The following ITGAV variants were observed in gnomAD, a reference collection of about 807,000 sequenced individuals.
ITGAV encodes integrin subunit alpha V.
ITGAV carries 76 observed loss-of-function variants against 143.8 expected under a neutral mutation model. The ratio of observed to expected loss-of-function variants is 0.53; its 90% confidence interval spans 0.44 to 0.64. The LOEUF is 0.64. ITGAV is among the 30% of genes least tolerant of loss of function. The pLI, the probability that ITGAV is intolerant of heterozygous loss-of-function variation, is 0.00. For missense variants in ITGAV, 1,193 were observed against 1,274.7 expected (o/e 0.94, Z 0.98); for synonymous variants, 453 against 446.7 (o/e 1.01, Z -0.18).
intron 4 of ITGAV, 115 bp from the exon 5 acceptor site, chr2:186,630,682 C>T: frequency 1.6e-6 from 1 of 619,794 alleles, no homozygotes; most frequent in East Asian, 2.6e-5. Flanking sequence ...AGTGAATGAC[C>T]ACTCTCAAAA....
intron 26 of ITGAV, among the ~76,000 whole-genome samples, chr2:186,673,249 G>A (rs781705063): frequency 6.6e-6 from 1 of 152,170 alleles, no homozygotes; most frequent in Non-Finnish European, 1.5e-5. Flanking sequence ...TTTATTTCTA[G>A]ACATTCAGTT....
At chr2:186,639,239 T>C (rs1442884428) in intron 10 of ITGAV, among the ~76,000 whole-genome samples, 1 of 152,206 alleles carries the variant, frequency 6.6e-6, no homozygotes, top group African/African-American at 2.4e-5. Flanking sequence ...TTGGTAATGA[T>C]GAATAAACAT....
At chr2:186,639,482 C>T (rs189734729) in intron 10 of ITGAV, among the ~76,000 whole-genome samples, 61 of 152,202 alleles carry the variant, frequency 4.0e-4, no homozygotes, top group African/African-American at 1.3e-3. Context: ...CCCTTTGTTC[C>T]GTTTTGACTT....
chr2:186,602,079 G>C lies in ITGAV; in HGVS notation c.244G>C (p.Glu82Gln), dbSNP rs761263566. Residue 82 changes from glutamate to glutamine, a missense_variant, in exon 2 of 30, where the codon GAA becomes CAA. Coordinates refer to ENST00000261023, the MANE Select transcript of ITGAV (RefSeq NM_002210.5). ...AAACACCACCCAGCCTGGGATTGTGGAAGGAGGGCAGGTCCTCAAATGTGA... is the reference window on the plus strand; with the variant it reads ...AAACACCACCCAGCCTGGGATTGTGCAAGGAGGGCAGGTCCTCAAATGTGA... The part of the protein sequence containing the change: ...KANTTQPGIV[E>Q]GGQVLKCDWS... 6.2e-7 allele frequency: 1 copy of C among 1,613,478 alleles called. No homozygotes were observed. The highest frequency in any genetic ancestry group is 1.7e-5 in the Admixed American group (1 of 59,974).
rs555793410 is a variant in ITGAV at position 186,596,776 on chromosome 2, C to A, written c.186-5245C>A. Reference sequence around the variant, plus strand: ...TACCCAGTTTTCTATGCAAGTATTTCTTTTTCACTACACAGCTTCCTCGTA... The same window carrying A: ...TACCCAGTTTTCTATGCAAGTATTTATTTTTCACTACACAGCTTCCTCGTA... On this transcript the variant is annotated intron_variant, in intron 1 of 29. Transcript: ENST00000261023. Among the ~76,000 whole-genome samples, 15 of 152,212 alleles carry A rather than the reference C, an allele frequency of 9.9e-5. No individual in the cohort carries two copies. The South Asian group carries it at 3.1e-3, about 32-fold the overall frequency.
intron 26 of ITGAV, among the ~76,000 whole-genome samples, chr2:186,674,444 ATAT>A (rs1689150724): frequency 6.6e-6 from 1 of 151,618 alleles, no homozygotes; most frequent in Non-Finnish European, 1.5e-5. Context: ...AGTGTTTTCT[ATAT>A]GTAAGATCCT....
At chr2:186,618,820 A>G (rs1464915527) in intron 2 of ITGAV, among the ~76,000 whole-genome samples, 1 of 152,220 alleles carries the variant, frequency 6.6e-6, no homozygotes, top group African/African-American at 2.4e-5. Flanking sequence ...GTAAATTAAT[A>G]CAGCTACTAT....
At chr2:186,599,569 A>G (rs1157268119) in intron 1 of ITGAV, among the ~76,000 whole-genome samples, 1 of 152,158 alleles carries the variant, frequency 6.6e-6, no homozygotes, top group Non-Finnish European at 1.5e-5. Flanking sequence ...ATCACAGCTC[A>G]CTGCAGCCTC....
intron 12 of ITGAV, among the ~76,000 whole-genome samples, chr2:186,642,809 T>C (rs1688146989): frequency 6.6e-6 from 1 of 152,100 alleles, no homozygotes; most frequent in Non-Finnish European, 1.5e-5. Context: ...GAATTACAGA[T>C]GTGAGCCACT....
intron 18 of ITGAV, 78 bp downstream of exon 18, chr2:186,659,253 A>T: frequency 1.0e-6 from 1 of 983,862 alleles, no homozygotes; most frequent in East Asian, 3.2e-5. Context: ...ATTAGAGGAG[A>T]TTTCCTTTAT....
intron 2 of ITGAV, among the ~76,000 whole-genome samples, chr2:186,609,813 G>T (rs1687166086): frequency 6.6e-6 from 1 of 151,702 alleles, no homozygotes; most frequent in South Asian, 2.1e-4. Context: ...TATGTATGTG[G>T]GCATAAGGGT....
intron 13 of ITGAV, among the ~76,000 whole-genome samples, chr2:186,647,290 C>T (rs2105720077): frequency 6.7e-6 from 1 of 148,556 alleles, no homozygotes; most frequent in Middle Eastern, 3.5e-3. Context: ...GGCTGGAGTA[C>T]AGTGGCACAA....
Position 186,633,729 on chromosome 2 carries a change from G to A in ITGAV, c.631+355G>A, listed in dbSNP as rs149229802. Among the ~76,000 whole-genome samples, 1,084 of 152,180 alleles carry A rather than the reference G, an allele frequency of 7.1e-3. 4 individuals carry two copies. Among genetic ancestry groups the A allele is most frequent in the Non-Finnish European group, 0.012 (836 of 67,998 alleles). On this transcript the variant is annotated intron_variant, in intron 6 of 29. Transcript: ENST00000261023. ...ATGACATAGTCATTAGGCAGTGTGC[G>A]AAACCAATCTGTATAGGCCAACTGT...
intron 1 of ITGAV, among the ~76,000 whole-genome samples, chr2:186,598,094 A>G (rs1360768303): frequency 3.3e-5 from 5 of 152,084 alleles, no homozygotes; most frequent in Non-Finnish European, 5.9e-5. Flanking sequence ...CATTAGGACT[A>G]CTGTGGCAAT....
At chr2:186,649,116 G>A (rs1688352891) in intron 13 of ITGAV, among the ~76,000 whole-genome samples, 1 of 147,668 alleles carries the variant, frequency 6.8e-6, no homozygotes, top group African/African-American at 2.5e-5. Flanking sequence ...ATTGTATTTT[G>A]CTTTTCTTTC....
chr2:186,624,843 A>G (rs1366416430), intron 3 of ITGAV, among the ~76,000 whole-genome samples: 2 of 152,156 alleles, frequency 1.3e-5, no homozygotes, highest in African/African-American at 4.8e-5. Context: ...GGTATATTCC[A>G]TATGCATGAG....
chr2:186,626,991 A>G (rs1687693147), intron 4 of ITGAV, among the ~76,000 whole-genome samples: 1 of 152,174 alleles, frequency 6.6e-6, no homozygotes, highest in South Asian at 2.1e-4. Context: ...GAATGAGTTA[A>G]CCCTTGTTTG....
At chr2:186,672,616 T>A (rs1689097585) in intron 26 of ITGAV, among the ~76,000 whole-genome samples, 1 of 152,240 alleles carries the variant, frequency 6.6e-6, no homozygotes, top group African/African-American at 2.4e-5. Flanking sequence ...TTAAAATTTT[T>A]ATAATCATCC....
chr2:186,648,981 TACATTTGTGTGTATATATATAC>T (rs11269521), intron 13 of ITGAV, among the ~76,000 whole-genome samples: 57,677 of 128,870 alleles, frequency 0.45, 14,147 homozygotes, highest in South Asian at 0.52. Flanking sequence ...TGTATATATA[TACATTTGTGTGTATATATATAC>T]ACATTTGTGT....
Sources: gnomAD v4.1 joint callset for allele counts (sites outside exome capture counted in the v4.1 genomes callset) on GRCh38, gnomAD v4.1.1 for gene constraint, MANE v1.5 for transcripts, NCBI Gene and HGNC (gene_info 2026-07-23, HGNC 2026-07-21) for gene names.